The following SPAG9 variants were observed in gnomAD, a reference collection of about 807,000 sequenced individuals.
The protein encoded by SPAG9 is sperm associated antigen 9.
In SPAG9, 35 loss-of-function variants were observed where a neutral mutation model predicts 166.5. The ratio of observed to expected loss-of-function variants is 0.21; its 90% CI spans 0.16 to 0.28. SPAG9 has a LOEUF of 0.28. SPAG9 is among the 10% of genes least tolerant of loss of function. The probability of loss-of-function intolerance (pLI) is 1.00; values close to 1 mark genes in which losing one functional copy is unlikely to be tolerated. For missense variants in SPAG9, 1,235 were observed against 1,603.3 expected (o/e 0.77, Z 3.92); for synonymous variants, 534 against 565.5 (o/e 0.94, Z 0.79).
intron 2 of SPAG9, among the ~76,000 whole-genome samples, chr17:51,078,106 T>G (rs2048066758): frequency 6.6e-6 from 1 of 152,078 alleles, no homozygotes; most frequent in African/African-American, 2.4e-5. Flanking sequence ...ACCTCAAATT[T>G]CTATGGTAGA....
intron 8 of SPAG9, among the ~76,000 whole-genome samples, chr17:51,019,706 G>A (rs1350692593): frequency 1.3e-5 from 2 of 152,030 alleles, no homozygotes; most frequent in Admixed American, 1.3e-4. Context: ...TACAAAATAA[G>A]CCAGGCGTGG....
At chr17:50,978,814 A>G (rs924305763) in intron 26 of SPAG9, among the ~76,000 whole-genome samples, 4 of 152,094 alleles carry the variant, frequency 2.6e-5, no homozygotes, top group African/African-American at 9.7e-5. Flanking sequence ...AGAACATGTA[A>G]GGTCTCCTGG....
intron 5 of SPAG9, 168 bp from the exon 6 acceptor site, chr17:51,031,890 C>T (rs1412397000): frequency 2.9e-6 from 2 of 692,688 alleles, no homozygotes; most frequent in Non-Finnish European, 5.3e-6. Context: ...TTAAGCTGAC[C>T]TTAACACTCT....
At chr17:51,007,371 A>G in intron 9 of SPAG9, 45 bp from the exon 10 acceptor site, 3 of 1,045,832 alleles carry the variant, frequency 2.9e-6, no homozygotes, top group South Asian at 2.9e-5. Context: ...AAATGCATCA[A>G]TAATTATATA....
At chr17:51,020,120 G>T in intron 8 of SPAG9, 39 bp downstream of exon 8, 1 of 1,216,090 alleles carries the variant, frequency 8.2e-7, no homozygotes, top group African/African-American at 1.5e-5. Flanking sequence ...GTTGGGGGTG[G>T]GGGGCGCAGA....
intron 4 of SPAG9, among the ~76,000 whole-genome samples, chr17:51,044,717 C>T (rs1598074316): frequency 6.6e-6 from 1 of 152,238 alleles, no homozygotes; most frequent in Middle Eastern, 3.4e-3. Context: ...AAAAGTGATG[C>T]TCAGAGATTT....
In SPAG9 at chr17:51,020,140, C is replaced by A. The variant is rs2286649; in HGVS notation, c.1091+19G>T. The A allele has an allele frequency of 0.29, 433,087 of 1,495,424 alleles. 66,008 individuals carry two copies. Among genetic ancestry groups the A allele is most frequent in the Admixed American group, 0.37 (21,816 of 59,454 alleles). 92.6% of individuals were successfully genotyped at this position (1,495,424 alleles called of 1,614,324 possible). A position where few individuals can be genotyped will look rare whatever the true frequency, so the allele number is the denominator to read the frequency against. On this transcript the variant is annotated intron_variant, in intron 8 of 29. Transcript: ENST00000262013. ...GGGTGGGGGGCGCAGAATATGTCTTCATCTAACATTTATGTTACCTTGAAC... is the reference window on the plus strand; with the variant it reads ...GGGTGGGGGGCGCAGAATATGTCTTAATCTAACATTTATGTTACCTTGAAC...
chr17:50,995,346 A>G, intron 17 of SPAG9, 98 bp downstream of exon 17: 1 of 1,293,750 alleles, frequency 7.7e-7, no homozygotes, highest in Non-Finnish European at 1.1e-6. Context: ...AATGAACAAT[A>G]ACCTCACCAT....
chr17:50,996,283 C>A, intron 16 of SPAG9: 2 of 303,126 alleles, frequency 6.6e-6, no homozygotes, highest in Non-Finnish European at 1.2e-5. Flanking sequence ...AATATTAAAC[C>A]AGAATTGCTC....
chr17:51,112,671 CAAAAAAAAAAAA>C (rs1206604151), intron 1 of SPAG9, among the ~76,000 whole-genome samples: 39 of 41,404 alleles, frequency 9.4e-4, no homozygotes, highest in Non-Finnish European at 1.2e-3. Flanking sequence ...TCTGTCTCAA[CAAAAAAAAAAAA>C]AAAAAAAAAA....
At chr17:51,065,000 G>A (rs1004605189) in intron 2 of SPAG9, among the ~76,000 whole-genome samples, 2 of 152,082 alleles carry the variant, frequency 1.3e-5, no homozygotes, top group Non-Finnish European at 2.9e-5. Context: ...GCAGGTGCCT[G>A]TAATCCTAGC....
intron 9 of SPAG9, among the ~76,000 whole-genome samples, chr17:51,011,064 T>C (rs1287459352): frequency 2.0e-5 from 3 of 152,058 alleles, no homozygotes; most frequent in Non-Finnish European, 4.4e-5. Flanking sequence ...CAAGTTGATA[T>C]CACAGAAACC....
rs995062057 is a variant in SPAG9, at chr17:50,965,061, T to A, written c.*1211A>T. On this transcript the variant is annotated 3_prime_UTR_variant, in exon 30 of 30. Transcript: ENST00000262013. Reference sequence around the variant, plus strand: ...CAGGCGTGAGCCACCATGCCCAACCTATTTTTTTTTTTTAATGGGCATTGT... The same window carrying A: ...CAGGCGTGAGCCACCATGCCCAACCAATTTTTTTTTTTTAATGGGCATTGT... 6.6e-6 allele frequency: 1 copy of A among 152,132 alleles called. No individual in the cohort carries two copies. Among genetic ancestry groups the A allele is most frequent in the African/African-American group, 2.4e-5 (1 of 41,334 alleles). 9.4% of individuals were successfully genotyped at this position (152,132 alleles called of 1,614,324 possible).
chr17:51,064,592 A>G (rs1297846126), intron 2 of SPAG9, among the ~76,000 whole-genome samples: 1 of 152,172 alleles, frequency 6.6e-6, no homozygotes, highest in East Asian at 1.9e-4. Flanking sequence ...GCCAGTCACA[A>G]AAGACCATAT....
intron 14 of SPAG9, 21 bp downstream of exon 14, chr17:50,999,639 AT>A: frequency 6.2e-7 from 1 of 1,601,546 alleles, no homozygotes; most frequent in South Asian, 1.1e-5. Flanking sequence ...GCTGTCTAAC[AT>A]CTTTGTTTTT....
At chr17:51,009,189 TTG>T (rs1404406883) in intron 9 of SPAG9, 6 of 450,274 alleles carry the variant, frequency 1.3e-5, no homozygotes, top group African/African-American at 2.0e-5. Flanking sequence ...CTCAATTAGA[TTG>T]TTTTCAGAAA....
At chr17:50,978,517 T>C (rs1165610067) in intron 26 of SPAG9, among the ~76,000 whole-genome samples, 1 of 152,180 alleles carries the variant, frequency 6.6e-6, no homozygotes, top group Non-Finnish European at 1.5e-5. Context: ...AAGACAATGA[T>C]GGTCCCTGAT....
At chr17:51,113,822 C>T (rs928810895) in intron 1 of SPAG9, among the ~76,000 whole-genome samples, 1 of 151,868 alleles carries the variant, frequency 6.6e-6, no homozygotes, top group Middle Eastern at 3.4e-3. Flanking sequence ...CATGGGAAAC[C>T]CATTTCTACA....
In SPAG9 at chr17:51,053,864, T is replaced by A. The variant is rs1252599185; in HGVS notation, c.495+2548A>T. Among the ~76,000 whole-genome samples the A allele has an allele frequency of 1.1e-3, 80 of 72,346 alleles. 2 individuals are homozygous for A. The highest frequency in any genetic ancestry group is 2.4e-3 in the East Asian group (6 of 2,532). 47.5% of individuals were successfully genotyped at this position (72,346 alleles called of 152,430 possible). ...AAAAAAAAAAAAAAAAGTATATATATATATATATATATATATATATATATA... is the reference window on the plus strand; with the variant it reads ...AAAAAAAAAAAAAAAAGTATATATAAATATATATATATATATATATATATA... On this transcript the variant is annotated intron_variant, in intron 3 of 29. Transcript: ENST00000262013.
Sources: gnomAD v4.1 joint callset for allele counts (sites outside exome capture counted in the v4.1 genomes callset) on GRCh38, gnomAD v4.1.1 for gene constraint, MANE v1.5 for transcripts, NCBI Gene and HGNC (gene_info 2026-07-23, HGNC 2026-07-21) for gene names.